GABBR1: variants seen among roughly 807,000 people sequenced by gnomAD.
GABBR1 encodes gamma-aminobutyric acid type B receptor subunit 1.
In GABBR1, 35 loss-of-function variants were observed where a neutral mutation model predicts 117.7. The observed-to-expected ratio is 0.30, with a 90% CI of 0.23 to 0.39. The LOEUF is 0.39. GABBR1 is among the 10% of genes least tolerant of loss of function. GABBR1 has a pLI of 1.00. For missense variants in GABBR1, 709 were observed against 1,241.8 expected, an observed-to-expected ratio of 0.57 and a Z score of 6.45; for synonymous variants, 442 against 486.6, an observed-to-expected ratio of 0.91 and a Z score of 1.21.
chr6:29,625,499 T>C (rs1764178339), intron 6 of GABBR1, among the ~76,000 whole-genome samples: 1 of 152,184 alleles, frequency 6.6e-6, no homozygotes, highest in Non-Finnish European at 1.5e-5. Flanking sequence ...TATTCATCAC[T>C]GCAGATTCTC....
At position 29,609,403 on chromosome 6, in the gene GABBR1, G is replaced by A; in HGVS notation, c.1709-24C>T. ...TCCTGCATGGCACAGGGGAGGAAGA[G>A]GGGAAGGGAAAAGAGAAGGGAAGGA... On this transcript the variant is annotated intron_variant, in intron 14 of 22. Coordinates refer to ENST00000377034, the MANE Select transcript of GABBR1 (RefSeq NM_001470.4). This position sits in a 1 kb window ranked among gnomAD's most constrained non-coding sequence, Gnocchi z 4.3. The A allele has an allele frequency of 3.1e-6, 5 of 1,610,066 alleles. No homozygotes were observed. Among genetic ancestry groups the A allele is most frequent in the South Asian group, 1.1e-5 (1 of 91,004 alleles).
At position 29,603,225 on chromosome 6, in the gene GABBR1, A is replaced by G. The variant is rs1406970846; in HGVS notation, c.*318T>C. 3 of 557,880 alleles carry G rather than the reference A, an allele frequency of 5.4e-6. No homozygotes were observed. Among genetic ancestry groups the G allele is most frequent in the Non-Finnish European group, 1.0e-5 (3 of 292,176 alleles). 34.6% of individuals were successfully genotyped at this position (557,880 alleles called of 1,614,324 possible). A position where few individuals can be genotyped will look rare whatever the true frequency, so the allele number is the denominator to read the frequency against. ...CGTGGTAACTAGAAGAGGGTGTTGC[A>G]TGGGAAGAGAAAGATGCAGTGAGGC... On this transcript the variant is annotated 3_prime_UTR_variant, in exon 23 of 23. Transcript: ENST00000377034.
In GABBR1 at chr6:29,627,202, T is replaced by G. The variant is rs1764358880; in HGVS notation, c.657+284A>C. Among the ~76,000 whole-genome samples, 1 of 152,080 alleles carries G rather than the reference T, an allele frequency of 6.6e-6. No individual in the cohort carries two copies. The highest frequency in any genetic ancestry group is 1.5e-5 in the Non-Finnish European group (1 of 68,020). On this transcript the variant is annotated intron_variant, in intron 6 of 22. Transcript: ENST00000377034. This position sits in a 1 kb window ranked among gnomAD's most constrained non-coding sequence, Gnocchi z 4.4. ...CTAATACCTTAAATCCACCACCAGT[T>G]TCTCCAAACCCCGACACTTCTGCGA... is the stretch of plus-strand genomic sequence containing the variant.
chr6:29,612,236 C>G (rs949519625), intron 13 of GABBR1, among the ~76,000 whole-genome samples: 1 of 150,804 alleles, frequency 6.6e-6, no homozygotes, highest in African/African-American at 2.4e-5. Flanking sequence ...TGGTCTCAAA[C>G]TCCTGACCAT....
intron 15 of GABBR1, 39 bp from the exon 16 acceptor site, chr6:29,608,772 T>C: frequency 6.3e-7 from 1 of 1,599,928 alleles, no homozygotes; most frequent in Non-Finnish European, 8.5e-7. Context: ...GAGAGAGAAT[T>C]ACCCCTCTTC....
In GABBR1 at chr6:29,604,680, G is replaced by A; in HGVS notation, c.2569-43C>T. The A allele has an allele frequency of 1.2e-6, 2 of 1,610,630 alleles. No homozygotes were observed. The highest frequency in any genetic ancestry group is 1.7e-6 in the Non-Finnish European group (2 of 1,177,868). ...GGCGTGGGGTGGCCCAGCAAGGACT[G>A]TACTAGTGACTGGCTGATGGAAGGT... On this transcript the variant is annotated intron_variant, in intron 21 of 22. Coordinates refer to ENST00000377034, the MANE Select transcript of GABBR1 (RefSeq NM_001470.4). The surrounding 1 kb of genome is among the most constrained non-coding windows in gnomAD (Gnocchi z 5.3).
chr6:29,628,513 A>G (rs2127447346), intron 5 of GABBR1, among the ~76,000 whole-genome samples: 1 of 151,386 alleles, frequency 6.6e-6, no homozygotes, highest in Admixed American at 6.6e-5. Context: ...GGTTTGAGGG[A>G]GTGGTGGGGT....
chr6:29,623,223 C>T lies in GABBR1; in HGVS notation c.963+82G>A, dbSNP rs1266896228. The T allele has an allele frequency of 1.5e-6, 2 of 1,307,904 alleles. No homozygotes were observed. Among genetic ancestry groups the T allele is most frequent in the Admixed American group, 2.0e-5 (1 of 50,458 alleles). 81.0% of individuals were successfully genotyped at this position (1,307,904 alleles called of 1,614,324 possible). On this transcript the variant is annotated intron_variant, in intron 8 of 22. Transcript: ENST00000377034. The surrounding 1 kb of genome is among the most constrained non-coding windows in gnomAD (Gnocchi z 6.2). ...TCAATGAAGAATCAAGTTCTTGCCC[C>T]TAAAAGTGACTCTCACGTCACATCT... is the stretch of plus-strand genomic sequence containing the variant.
rs77042155 is a variant in GABBR1 at position 29,632,290 on chromosome 6, G to A, written c.85+11C>T. The A allele has an allele frequency of 1.7e-4, 234 of 1,378,270 alleles. 1 individual carries two copies. Among genetic ancestry groups the A allele is most frequent in the Non-Finnish European group, 2.1e-4 (223 of 1,060,992 alleles). The allele number at this position is 1,378,270 out of a possible 1,614,324, so 85.4% of individuals were successfully genotyped here. A position where few individuals can be genotyped will look rare whatever the true frequency, so the allele number is the denominator to read the frequency against. On this transcript the variant is annotated intron_variant, in intron 2 of 22. Coordinates refer to ENST00000377034, the MANE Select transcript of GABBR1 (RefSeq NM_001470.4). The surrounding 1 kb of genome is among the most constrained non-coding windows in gnomAD (Gnocchi z 5.8). Reference sequence around the variant, plus strand: ...CGAAGGAGGGCCGGAGGTCGTCGAAGAAGGATGCACCTTCTGAGGTGGCGT... The same window carrying A: ...CGAAGGAGGGCCGGAGGTCGTCGAAAAAGGATGCACCTTCTGAGGTGGCGT...
Position 29,623,618 on chromosome 6 carries a change from G to A in GABBR1, c.793-143C>T. ...CCTCCCCACCTCTGGTCTGCCTAAG[G>A]AAAAGAGATTCTCAAAGGCCCACAC... is the stretch of plus-strand genomic sequence containing the variant. On this transcript the variant is annotated intron_variant, in intron 7 of 22. Transcript: ENST00000377034. The surrounding 1 kb of genome is among the most constrained non-coding windows in gnomAD (Gnocchi z 6.2). The A allele has an allele frequency of 2.4e-6, 2 of 841,950 alleles. No homozygotes were observed. Among genetic ancestry groups the A allele is most frequent in the Non-Finnish European group, 3.6e-6 (2 of 552,176 alleles). 52.2% of individuals were successfully genotyped at this position (841,950 alleles called of 1,614,324 possible).
rs1366072122 is a variant in GABBR1, at chr6:29,604,887, G to A, written c.2541C>T (p.Ile847=). Residue 847 remains isoleucine, a synonymous_variant, in exon 21 of 23, where the codon ATC becomes ATT. Coordinates refer to ENST00000377034, the MANE Select transcript of GABBR1 (RefSeq NM_001470.4). The surrounding 1 kb of genome is among the most constrained non-coding windows in gnomAD (Gnocchi z 5.3). ...ASLAIVFSSY[I]TLVVLFVPKM... ...TGGGCACAAAGAGCACAACAAGAGT[G>A]ATATAGGAGGAGAAAACTATGGCAA... 6.2e-6 allele frequency: 10 copies of A among 1,612,944 alleles called. No homozygotes were observed. The Admixed American group carries it at 1.7e-4, about 27-fold the overall frequency.
chr6:29,626,107 T>G (rs1283009110), intron 6 of GABBR1, among the ~76,000 whole-genome samples: 2 of 152,124 alleles, frequency 1.3e-5, no homozygotes, highest in Non-Finnish European at 2.9e-5. Flanking sequence ...CCTCTGGTGA[T>G]TCTTATGTAC....
At position 29,603,335 on chromosome 6, in the gene GABBR1, A is replaced by C. The variant is rs755857459; in HGVS notation, c.*208T>G. The C allele has an allele frequency of 1.4e-6, 1 of 704,218 alleles. No individual in the cohort carries two copies. Among genetic ancestry groups the C allele is most frequent in the Non-Finnish European group, 2.6e-6 (1 of 384,410 alleles). The allele number at this position is 704,218 out of a possible 1,614,324, so 43.6% of individuals were successfully genotyped here. On this transcript the variant is annotated 3_prime_UTR_variant, in exon 23 of 23. Coordinates refer to ENST00000377034, the MANE Select transcript of GABBR1 (RefSeq NM_001470.4). ...GAAGAGGTGATACAAAATTACATGAAGCAGTAAGAGAGAAAAAGGTCTGTT... is the reference window on the plus strand; with the variant it reads ...GAAGAGGTGATACAAAATTACATGACGCAGTAAGAGAGAAAAAGGTCTGTT...
In GABBR1 at chr6:29,607,603, C is replaced by A. The variant is rs895076154; in HGVS notation, c.1993-385G>T. ...GCTAGGCTCATCTCCCAGCCCCACACCTACCCCACGCTCCAGCCATGCTGA... is the reference window on the plus strand; with the variant it reads ...GCTAGGCTCATCTCCCAGCCCCACAACTACCCCACGCTCCAGCCATGCTGA... On this transcript the variant is annotated intron_variant, in intron 16 of 22. Transcript: ENST00000377034. This position sits in a 1 kb window ranked among gnomAD's most constrained non-coding sequence, Gnocchi z 5.0. Among the ~76,000 whole-genome samples, 8 of 152,222 alleles carry A rather than the reference C, an allele frequency of 5.3e-5. No individual in the cohort carries two copies. Among genetic ancestry groups the A allele is most frequent in the African/African-American group, 1.9e-4 (8 of 41,444 alleles).
chr6:29,606,694 C>T lies in GABBR1; in HGVS notation c.2217+203G>A. The T allele has an allele frequency of 1.6e-6, 1 of 633,770 alleles. No individual in the cohort carries two copies. The highest frequency in any genetic ancestry group is 2.8e-6 in the Non-Finnish European group (1 of 361,238). 39.3% of individuals were successfully genotyped at this position (633,770 alleles called of 1,614,324 possible). On this transcript the variant is annotated intron_variant, in intron 18 of 22. Coordinates refer to ENST00000377034, the MANE Select transcript of GABBR1 (RefSeq NM_001470.4). This position sits in a 1 kb window ranked among gnomAD's most constrained non-coding sequence, Gnocchi z 4.5. ...GCCTGGAAGTTCTACACACCCTTCCCAGATTCCCACCCCTTCCTTTCTTCA... is the reference window on the plus strand; with the variant it reads ...GCCTGGAAGTTCTACACACCCTTCCTAGATTCCCACCCCTTCCTTTCTTCA...
In GABBR1 at chr6:29,630,223, G is replaced by A; in HGVS notation, c.475+235C>T. ...CGTGAGGTCTAAGAATCGGGAGCAG[G>A]AAGATTTTTTTAAAAGGTAAAGGAA... is the stretch of plus-strand genomic sequence containing the variant. On this transcript the variant is annotated intron_variant, in intron 4 of 22. Coordinates refer to ENST00000377034, the MANE Select transcript of GABBR1 (RefSeq NM_001470.4). The surrounding 1 kb of genome is among the most constrained non-coding windows in gnomAD (Gnocchi z 4.9). The A allele has an allele frequency of 2.3e-6, 1 of 444,336 alleles. No homozygotes were observed. Among genetic ancestry groups the A allele is most frequent in the Non-Finnish European group, 4.0e-6 (1 of 249,594 alleles). The allele number at this position is 444,336 out of a possible 1,614,324, so 27.5% of individuals were successfully genotyped here.
chr6:29,612,901 T>C (rs140192761), intron 12 of GABBR1, among the ~76,000 whole-genome samples: 4 of 152,286 alleles, frequency 2.6e-5, no homozygotes, highest in African/African-American at 9.6e-5. Flanking sequence ...AGTCAGCAAA[T>C]CTCTCTGGAA....
In GABBR1 at chr6:29,622,870, T is replaced by C; in HGVS notation, c.963+435A>G. On this transcript the variant is annotated intron_variant, in intron 8 of 22. Transcript: ENST00000377034. The surrounding 1 kb of genome is among the most constrained non-coding windows in gnomAD (Gnocchi z 4.6). ...CCTCATTCCTCTCTCTCTCTCTCTT[T>C]CCTCTCCCTCTCTCCTCTGTAATCC... Among the ~76,000 whole-genome samples, 1 of 151,662 alleles carries C rather than the reference T, an allele frequency of 6.6e-6. No homozygotes were observed. Among genetic ancestry groups the C allele is most frequent in the Non-Finnish European group, 1.5e-5 (1 of 67,934 alleles).
At position 29,627,455 on chromosome 6, in the gene GABBR1, A is replaced by ACCAC; in HGVS notation, c.657+30_657+31insGTGG. 2.9e-6 allele frequency: 1 copy of ACCAC among 341,718 alleles called. No individual in the cohort carries two copies. The highest frequency in any genetic ancestry group is 4.7e-6 in the Non-Finnish European group (1 of 213,546). 21.2% of individuals were successfully genotyped at this position (341,718 alleles called of 1,614,324 possible). On this transcript the variant is annotated intron_variant, in intron 6 of 22. Coordinates refer to ENST00000377034, the MANE Select transcript of GABBR1 (RefSeq NM_001470.4). This position sits in a 1 kb window ranked among gnomAD's most constrained non-coding sequence, Gnocchi z 4.4. ...CTGGCCCCCTGCCCCGCAAGCCCCC[A>ACCAC]CCTCCCACCCACCCCCATGTCCAGG...
Sources: gnomAD v4.1 joint callset for allele counts (sites outside exome capture counted in the v4.1 genomes callset) on GRCh38, gnomAD v4.1.1 for gene constraint, Gnocchi (gnomAD v3.1) non-coding constraint, MANE v1.5 for transcripts, NCBI Gene and HGNC (gene_info 2026-07-23, HGNC 2026-07-21) for gene names.